RASL10B: variants seen among roughly 807,000 people sequenced by gnomAD.
The protein encoded by RASL10B is ras-like protein family member 10B.
RASL10B carries 10 observed loss-of-function variants against 20.7 expected under a neutral mutation model. The ratio of observed to expected loss-of-function variants is 0.48; its 90% CI spans 0.30 to 0.82. RASL10B has a LOEUF of 0.82. RASL10B is among the 40% of genes least tolerant of loss of function. The pLI is 0.07. For synonymous variants in RASL10B, 110 were observed against 123.3 expected, an observed-to-expected ratio of 0.89 and a Z score of 0.72; for missense variants, 231 against 295.4, an observed-to-expected ratio of 0.78 and a Z score of 1.60.
At chr17:35,738,111 G>A (rs587717151) in intron 2 of RASL10B, among the ~76,000 whole-genome samples, 20 of 152,168 alleles carry the variant, frequency 1.3e-4, no homozygotes, top group African/African-American at 4.6e-4. Flanking sequence ...TCTCCTTGTA[G>A]TCTCCATTTG....
chr17:35,740,914 A>T, intron 3 of RASL10B, 121 bp from the exon 4 acceptor site: 2 of 780,728 alleles, frequency 2.6e-6, no homozygotes, highest in African/African-American at 1.7e-5. Flanking sequence ...TCCAGGGCTT[A>T]GGGCTGCGCC....
At chr17:35,737,704 C>T (rs1323194723) in intron 2 of RASL10B, among the ~76,000 whole-genome samples, 2 of 151,384 alleles carry the variant, frequency 1.3e-5, no homozygotes, top group Non-Finnish European at 2.9e-5. Context: ...GAGTTCGAGA[C>T]CAGCCTGGGC....
At chr17:35,733,334 A>G (rs2085571002) in intron 1 of RASL10B, among the ~76,000 whole-genome samples, 1 of 152,196 alleles carries the variant, frequency 6.6e-6, no homozygotes, top group South Asian at 2.1e-4. Context: ...TGGGCTTTAC[A>G]TGCACACATC....
chr17:35,731,936 C>CG (rs2061014816), intron 1 of RASL10B, 58 bp downstream of exon 1: 1 of 78,304 alleles, frequency 1.3e-5, no homozygotes, highest in African/African-American at 4.9e-5. Context: ...GTCAGGGGCT[C>CG]GGGGGGTCGG....
intron 1 of RASL10B, among the ~76,000 whole-genome samples, chr17:35,733,152 ATC>A (rs1270144826): frequency 1.6e-4 from 25 of 152,268 alleles, no homozygotes; most frequent in African/African-American, 6.0e-4. Context: ...AATGAGAAGA[ATC>A]TCTCTCACGC....
Position 35,735,544 on chromosome 17 carries a change from T to C in RASL10B, c.216+144T>C. 1 of 707,940 alleles carries C rather than the reference T, an allele frequency of 1.4e-6. No homozygotes were observed. The highest frequency in any genetic ancestry group is 2.3e-6 in the Non-Finnish European group (1 of 427,250). 43.9% of individuals were successfully genotyped at this position (707,940 alleles called of 1,614,324 possible). A position where few individuals can be genotyped will look rare whatever the true frequency, so the allele number is the denominator to read the frequency against. Reference sequence around the variant, plus strand: ...CTCCACACTGCACCTTGGGCCACTCTGCTTAGAGCCGTTCCAGGAATCCAT... The same window carrying C: ...CTCCACACTGCACCTTGGGCCACTCCGCTTAGAGCCGTTCCAGGAATCCAT... On this transcript the variant is annotated intron_variant, in intron 2 of 3. Transcript: ENST00000603017. The surrounding 1 kb of genome is among the most constrained non-coding windows in gnomAD (Gnocchi z 6.7).
intron 1 of RASL10B, among the ~76,000 whole-genome samples, chr17:35,733,248 G>C (rs2085570446): frequency 6.6e-6 from 1 of 152,186 alleles, no homozygotes; most frequent in African/African-American, 2.4e-5. Flanking sequence ...AAGTTTGTGG[G>C]AAGCTTAGAT....
chr17:35,740,644 A>G, intron 3 of RASL10B, 111 bp downstream of exon 3: 1 of 1,275,030 alleles, frequency 7.8e-7, no homozygotes, highest in Non-Finnish European at 1.1e-6. Context: ...ATGTGTTCTA[A>G]GATTTCCACA....
intron 2 of RASL10B, 59 bp from the exon 3 acceptor site, chr17:35,740,350 G>A (rs2085621665): frequency 1.9e-6 from 3 of 1,585,546 alleles, no homozygotes; most frequent in Non-Finnish European, 1.7e-6. Context: ...GGAGGTGTTT[G>A]GGGGCTAGGG....
Position 35,735,388 on chromosome 17 carries a change from C to T in RASL10B, c.204C>T (p.Val68=), listed in dbSNP as rs1555597058. 1 of 1,614,136 alleles carries T rather than the reference C, an allele frequency of 6.2e-7. No homozygotes were observed. Among genetic ancestry groups the T allele is most frequent in the Admixed American group, 1.7e-5 (1 of 60,034 alleles). ...TTCCACCCATCAGCGCCTTCCCTGT[C>T]AATACGCTCCAGGTAGGAGGACCCT... The part of the protein sequence containing the change: ...LDFPPISAFP[V]NTLQEWADTC... The change falls in exon 2 of 4, where the codon GTC becomes GTT. Residue 68 remains valine, a synonymous_variant. Coordinates refer to ENST00000603017, the MANE Select transcript of RASL10B (RefSeq NM_033315.4). This position sits in a 1 kb window ranked among gnomAD's most constrained non-coding sequence, Gnocchi z 6.7.
At chr17:35,737,150 G>A (rs1365779808) in intron 2 of RASL10B, 1 of 152,146 alleles carries the variant, frequency 6.6e-6, no homozygotes, top group African/African-American at 2.4e-5. Context: ...GAACCATACT[G>A]TTCTGTACCT....
At chr17:35,734,384 C>A (rs782729434) in intron 1 of RASL10B, among the ~76,000 whole-genome samples, 1 of 152,292 alleles carries the variant, frequency 6.6e-6, no homozygotes, top group East Asian at 1.9e-4. Context: ...AGTACTTATC[C>A]CTTAGAGATG....
intron 1 of RASL10B, among the ~76,000 whole-genome samples, chr17:35,734,521 G>A (rs2085577522): frequency 6.6e-6 from 1 of 152,198 alleles, no homozygotes; most frequent in South Asian, 2.1e-4. Context: ...AATGGGGGCA[G>A]GGGGAGTTTT....
At chr17:35,737,900 CAAA>C (rs11351393) in intron 2 of RASL10B, among the ~76,000 whole-genome samples, 27 of 97,686 alleles carry the variant, frequency 2.8e-4, no homozygotes, top group Admixed American at 3.1e-4. Flanking sequence ...GGCCCTGTCT[CAAA>C]AAAAAAAAAA....
At chr17:35,734,732 C>A (rs1222382751) in intron 1 of RASL10B, among the ~76,000 whole-genome samples, 1 of 152,198 alleles carries the variant, frequency 6.6e-6, no homozygotes, top group Non-Finnish European at 1.5e-5. Context: ...GTCCCAGGCT[C>A]TGTGGGGAAG....
chr17:35,743,450 G>A lies in RASL10B; in HGVS notation c.*2145G>A, dbSNP rs1555598325. Reference sequence around the variant, plus strand: ...GTTTCCCACCACAGGGTCTGGAAGTGTGTGTGACGCCCATTGAGCTGTTAC... The same window carrying A: ...GTTTCCCACCACAGGGTCTGGAAGTATGTGTGACGCCCATTGAGCTGTTAC... On this transcript the variant is annotated 3_prime_UTR_variant, in exon 4 of 4. Coordinates refer to ENST00000603017, the MANE Select transcript of RASL10B (RefSeq NM_033315.4). The A allele has an allele frequency of 1.3e-5, 2 of 152,836 alleles. No individual in the cohort carries two copies. The highest frequency in any genetic ancestry group is 1.3e-4 in the Admixed American group (2 of 15,290). 9.5% of individuals were successfully genotyped at this position (152,836 alleles called of 1,614,324 possible).
chr17:35,732,046 C>A (rs1044116390), intron 1 of RASL10B, among the ~76,000 whole-genome samples, 168 bp downstream of exon 1: 1 of 147,686 alleles, frequency 6.8e-6, no homozygotes, highest in African/African-American at 2.5e-5. Context: ...GGGGCCGCCA[C>A]GTGAGAGCTG....
At chr17:35,739,441 A>T (rs2085614451) in intron 2 of RASL10B, among the ~76,000 whole-genome samples, 2 of 152,080 alleles carry the variant, frequency 1.3e-5, no homozygotes. Context: ...TGCAGCTGGC[A>T]CGTTGACTAA....
In RASL10B at chr17:35,735,128, A is replaced by G. The variant is rs1555596925; in HGVS notation, c.-57A>G. 2.6e-6 allele frequency: 4 copies of G among 1,549,422 alleles called. No individual in the cohort carries two copies. The African/African-American group carries it at 4.1e-5, about 16-fold the overall frequency. ...TGAGCCCCCAGCCCCTGGAATATGCAGCCCGGGGGAGCCCCAGACAGCGGC... is the reference window on the plus strand; with the variant it reads ...TGAGCCCCCAGCCCCTGGAATATGCGGCCCGGGGGAGCCCCAGACAGCGGC... On this transcript the variant is annotated 5_prime_UTR_variant, in exon 2 of 4. Coordinates refer to ENST00000603017, the MANE Select transcript of RASL10B (RefSeq NM_033315.4). The surrounding 1 kb of genome is among the most constrained non-coding windows in gnomAD (Gnocchi z 6.7).
Sources: allele counts gnomAD v4.1 joint callset (sites outside exome capture counted in the v4.1 genomes callset), GRCh38; gene constraint gnomAD v4.1.1; non-coding constraint Gnocchi (gnomAD v3.1); transcripts MANE v1.5; gene names NCBI Gene and HGNC (gene_info 2026-07-23, HGNC 2026-07-21).